PUS10: variants seen among roughly 807,000 people sequenced by gnomAD.
PUS10 encodes pseudouridine synthase 10.
In PUS10, 59 loss-of-function variants were observed where a neutral mutation model predicts 75.0. The observed-to-expected ratio is 0.79, with a 90% CI of 0.64 to 0.98. The LOEUF (loss-of-function observed/expected upper bound fraction) is 0.98, where lower values mean the gene tolerates loss of function less well. Ranked by LOEUF, PUS10 falls within the 50% of genes least tolerant of loss-of-function variation. PUS10 has a pLI of 0.00. For missense variants in PUS10, 650 were observed against 614.4 expected, an observed-to-expected ratio of 1.06 and a Z score of -0.61; for synonymous variants, 219 against 211.6, an observed-to-expected ratio of 1.03 and a Z score of -0.30.
At chr2:61,002,059 C>T (rs1282489636) in intron 4 of PUS10, among the ~76,000 whole-genome samples, 4 of 152,162 alleles carry the variant, frequency 2.6e-5, no homozygotes, top group Admixed American at 1.3e-4. Context: ...TAGATTAGTT[C>T]CCCCACCATC....
chr2:61,011,901 T>C lies in PUS10; in HGVS notation c.-11A>G. ...AGTCAGTGGGAACATATTGAATAAT[T>C]ATAACTAGAAAGAAAAGAAGTAAAA... On this transcript the variant is annotated 5_prime_UTR_variant, in exon 2 of 18. It adds an upstream start codon to the 5' untranslated region. Transcript: ENST00000316752. 1.3e-6 allele frequency: 2 copies of C among 1,589,898 alleles called. No individual in the cohort carries two copies. The highest frequency in any genetic ancestry group is 1.7e-6 in the Non-Finnish European group (2 of 1,173,128).
At position 60,980,085 on chromosome 2, in the gene PUS10, G is replaced by A. The variant is rs371482139; in HGVS notation, c.469-8528C>T. On this transcript the variant is annotated intron_variant, in intron 4 of 17. Coordinates refer to ENST00000316752, the MANE Select transcript of PUS10 (RefSeq NM_144709.4). ...AGAAGCAGGGAGGGGGATCAGAAAA[G>A]ACACAACAGTTACAATAAAGAAAAG... Among the ~76,000 whole-genome samples, 70 of 152,272 alleles carry A rather than the reference G, an allele frequency of 4.6e-4. No individual in the cohort carries two copies. The South Asian group carries it at 0.013, about 29-fold the overall frequency.
In PUS10 at chr2:60,962,839, C is replaced by G; in HGVS notation, c.775G>C (p.Glu259Gln). 1 of 1,579,186 alleles carries G rather than the reference C, an allele frequency of 6.3e-7. No individual in the cohort carries two copies. The change falls in exon 9 of 18, where the codon GAG (glutamate) becomes CAG (glutamine). Residue 259 changes from glutamate (E) to glutamine (Q), a missense_variant. Glu to Gln is a conservative substitution (Grantham distance 29). Transcript: ENST00000316752. The part of the protein sequence containing the change: ...VMKALNKIKE[E>Q]DFLKQFPCPP... ...ACTTCTACTTACTTAAGGAAATCCT[C>G]TTCCTTTATCTTATTCAAGGCTTTC...
Position 60,953,450 on chromosome 2 carries a change from G to A in PUS10, c.1191-336C>T, listed in dbSNP as rs1675467599. On this transcript the variant is annotated intron_variant, in intron 14 of 17. Coordinates refer to ENST00000316752, the MANE Select transcript of PUS10 (RefSeq NM_144709.4). Reference sequence around the variant, plus strand: ...ATAATGAAATCATACAGTACGTGGTGCTTGGTGACTGGCTCCTTTCATTTC... The same window carrying A: ...ATAATGAAATCATACAGTACGTGGTACTTGGTGACTGGCTCCTTTCATTTC... Among the ~76,000 whole-genome samples, 3 of 152,174 alleles carry A rather than the reference G, an allele frequency of 2.0e-5. No homozygotes were observed. The South Asian group carries it at 6.2e-4, about 32-fold the overall frequency.
At chr2:60,957,220 T>C (rs1675731757) in intron 11 of PUS10, among the ~76,000 whole-genome samples, 1 of 152,096 alleles carries the variant, frequency 6.6e-6, no homozygotes, top group South Asian at 2.1e-4. Context: ...CCTTGTCTCA[T>C]CCCCCTAAGA....
Position 60,960,440 on chromosome 2 carries a change from C to G in PUS10, c.952G>C (p.Val318Leu), listed in dbSNP as rs1345314972. 6.3e-7 allele frequency: 1 copy of G among 1,576,858 alleles called. No individual in the cohort carries two copies. The highest frequency in any genetic ancestry group is 2.4e-5 in the East Asian group (1 of 42,042). The change falls in exon 11 of 18, where the codon GTG becomes CTG. Residue 318 changes from valine (V) to leucine (L), a missense_variant. By Grantham distance (32) the Val-to-Leu change is conservative. Coordinates refer to ENST00000316752, the MANE Select transcript of PUS10 (RefSeq NM_144709.4). ...IDGERKLESS[V>L]EELISDHLLA... ...AGATGATCTGAAATTAATTCTTCCA[C>G]TGAAGATTCCAGCTTCCTTTCTCCA...
At chr2:60,997,337 G>C (rs575999825) in intron 4 of PUS10, among the ~76,000 whole-genome samples, 2 of 152,152 alleles carry the variant, frequency 1.3e-5, no homozygotes, top group Admixed American at 6.5e-5. Flanking sequence ...GGGGCCAGGC[G>C]CGGTGGCTCA....
intron 4 of PUS10, among the ~76,000 whole-genome samples, chr2:60,976,108 C>T (rs1677020703): frequency 6.6e-6 from 1 of 152,124 alleles, no homozygotes; most frequent in Admixed American, 6.6e-5. Flanking sequence ...CTTATATATA[C>T]AAAAATATTA....
chr2:60,944,128 A>AG (rs1484808418), intron 17 of PUS10: 1 of 208,144 alleles, frequency 4.8e-6, no homozygotes, highest in Non-Finnish European at 6.8e-6. Flanking sequence ...ACCCTGTCTC[A>AG]AAAAAAAAAA....
At chr2:61,000,077 G>A (rs113403025) in intron 4 of PUS10, among the ~76,000 whole-genome samples, 100 of 152,196 alleles carry the variant, frequency 6.6e-4, no homozygotes, top group Non-Finnish European at 7.6e-4. Flanking sequence ...AGATATCAAG[G>A]GACAACTGTA....
chr2:60,974,211 CTTTTT>C (rs35241132), intron 4 of PUS10, among the ~76,000 whole-genome samples: 2 of 96,066 alleles, frequency 2.1e-5, no homozygotes, highest in African/African-American at 9.9e-5. Context: ...GATAAAGCTC[CTTTTT>C]TTTTTTTTTT....
At chr2:60,978,301 AATCCC>A (rs1284807548) in intron 4 of PUS10, among the ~76,000 whole-genome samples, 1 of 151,902 alleles carries the variant, frequency 6.6e-6, no homozygotes, top group East Asian at 1.9e-4. Context: ...GCGCACCTGT[AATCCC>A]AGCTACTAGG....
intron 15 of PUS10, among the ~76,000 whole-genome samples, chr2:60,952,050 T>C (rs1675367524): frequency 3.9e-5 from 6 of 152,058 alleles, no homozygotes. Context: ...AGTAAACTAT[T>C]TTTGGCCGGG....
chr2:60,949,500 G>A (rs1675202943), intron 15 of PUS10, among the ~76,000 whole-genome samples: 2 of 151,792 alleles, frequency 1.3e-5, no homozygotes, highest in Non-Finnish European at 2.9e-5. Flanking sequence ...TTCTAACATT[G>A]CACTCCGCTG....
intron 4 of PUS10, among the ~76,000 whole-genome samples, chr2:60,974,259 A>G (rs1288056565): frequency 7.8e-6 from 1 of 128,334 alleles, no homozygotes; most frequent in South Asian, 2.4e-4. Context: ...CTCTGTCACC[A>G]GGCTGGAGTG....
At chr2:60,965,737 T>C (rs940683028) in intron 6 of PUS10, 21 of 282,748 alleles carry the variant, frequency 7.4e-5, no homozygotes, top group African/African-American at 4.6e-4. Context: ...ATGTGTATAC[T>C]TTTTGGACAA....
intron 1 of PUS10, among the ~76,000 whole-genome samples, chr2:61,013,265 GAA>G (rs61561925): frequency 3.8e-4 from 43 of 112,268 alleles, no homozygotes; most frequent in Non-Finnish European, 1.7e-4. Context: ...AAAAGAAACA[GAA>G]AAAAAAAAAA....
intron 1 of PUS10, among the ~76,000 whole-genome samples, chr2:61,014,335 T>C (rs1216872969): frequency 6.6e-6 from 1 of 151,424 alleles, no homozygotes; most frequent in Non-Finnish European, 1.5e-5. Flanking sequence ...GCCGAGATCA[T>C]GCCACTTCAC....
intron 17 of PUS10, chr2:60,944,262 T>C (rs1481237437): frequency 1.0e-6 from 1 of 981,402 alleles, no homozygotes; most frequent in East Asian, 1.1e-4. Flanking sequence ...GCTAATCTAA[T>C]CCCAGAGCAC....
Sources: gnomAD v4.1 joint callset for allele counts (sites outside exome capture counted in the v4.1 genomes callset) on GRCh38, gnomAD v4.1.1 for gene constraint, MANE v1.5 for transcripts, NCBI Gene and HGNC (gene_info 2026-07-23, HGNC 2026-07-21) for gene names.